PROM1: variants seen among roughly 807,000 people sequenced by gnomAD.
PROM1 encodes the protein prominin 1, also known as prominin-1.
PROM1 carries 105 observed loss-of-function variants against 116.9 expected under a neutral mutation model. The observed-to-expected ratio is 0.90, with a 90% CI of 0.77 to 1.06. The LOEUF is 1.06. Among genes scored for constraint, PROM1 ranks in the 50% least tolerant of loss-of-function variants. PROM1 has a pLI of 0.00. For missense variants in PROM1, 1,122 were observed against 1,045.2 expected (o/e 1.07, Z -1.01); for synonymous variants, 393 against 387.0 (o/e 1.02, Z -0.18).
chr4:16,081,988 C>T (rs1275477904), intron 1 of PROM1: 1 of 152,072 alleles, frequency 6.6e-6, no homozygotes, highest in Non-Finnish European at 1.5e-5. Flanking sequence ...CTCTGGTCCC[C>T]CTTACTAACT....
At position 16,039,115 on chromosome 4, in the gene PROM1, T is replaced by C. The variant is rs1734603150; in HGVS notation, c.221-114A>G. ...ATTATTATACCTATATTTCTATTAT[T>C]CTTATAATTTTATTCTTATTTCTTA... On this transcript the variant is annotated intron_variant, in intron 2 of 27. Transcript: ENST00000447510. 6.0e-6 allele frequency: 5 copies of C among 837,264 alleles called. No individual in the cohort carries two copies. In the Admixed American group the frequency reaches 1.3e-4, roughly 21 times the overall value. The allele number at this position is 837,264 out of a possible 1,614,324, so 51.9% of individuals were successfully genotyped here. A position where few individuals can be genotyped will look rare whatever the true frequency, so the allele number is the denominator to read the frequency against.
At chr4:16,000,721 C>A in intron 13 of PROM1, 102 bp from the exon 14 acceptor site, 2 of 1,027,994 alleles carry the variant, frequency 1.9e-6, no homozygotes, top group Non-Finnish European at 2.6e-6. Context: ...GCCCTGGGGT[C>A]TTCAGTGTTA....
chr4:16,029,520 C>T (rs1264111794), intron 5 of PROM1, among the ~76,000 whole-genome samples: 1 of 152,146 alleles, frequency 6.6e-6, no homozygotes, highest in African/African-American at 2.4e-5. Context: ...GTCAAACAGA[C>T]TGCATAAACA....
At chr4:16,025,917 A>G (rs190222585) in intron 5 of PROM1, among the ~76,000 whole-genome samples, 1 of 152,374 alleles carries the variant, frequency 6.6e-6, no homozygotes, top group East Asian at 1.9e-4. Context: ...GCCACATACA[A>G]CAGAGCACCT....
intron 8 of PROM1, among the ~76,000 whole-genome samples, chr4:16,021,678 TTC>T (rs958587962): frequency 3.9e-5 from 6 of 152,174 alleles, no homozygotes; most frequent in African/African-American, 1.4e-4. Context: ...AGATTTCCAA[TTC>T]TCCCTCCAGA....
chr4:16,042,440 A>G (rs527589810), intron 2 of PROM1, among the ~76,000 whole-genome samples: 21 of 152,322 alleles, frequency 1.4e-4, no homozygotes, highest in African/African-American at 5.1e-4. Context: ...AGTGGAAGAC[A>G]AGGAGGTGGG....
chr4:16,003,944 T>C (rs936457563), intron 13 of PROM1, among the ~76,000 whole-genome samples: 6 of 152,204 alleles, frequency 3.9e-5, no homozygotes, highest in Non-Finnish European at 7.3e-5. Flanking sequence ...ATGCTCTTGA[T>C]TGGATGGTGT....
intron 12 of PROM1, among the ~76,000 whole-genome samples, chr4:16,007,580 C>A (rs1725839043): frequency 1.3e-5 from 2 of 152,150 alleles, no homozygotes; most frequent in East Asian, 1.9e-4. Flanking sequence ...ACAGTGAGGG[C>A]ACAAAATTAA....
chr4:16,076,100 T>C lies in PROM1; in HGVS notation c.-194A>G. On this transcript the variant is annotated 5_prime_UTR_variant, in exon 2 of 28. An upstream start codon of the reference 5' UTR is lost. Coordinates refer to ENST00000447510, the MANE Select transcript of PROM1 (RefSeq NM_006017.3). ...GGAAGAATGTTCTCCAAGGGGGTCA[T>C]TCACTCAAGGCACCATCCCTGGCAG... The C allele has an allele frequency of 8.6e-7, 1 of 1,166,968 alleles. No homozygotes were observed. The highest frequency in any genetic ancestry group is 1.2e-6 in the Non-Finnish European group (1 of 865,222). The allele number at this position is 1,166,968 out of a possible 1,614,324, so 72.3% of individuals were successfully genotyped here. A position where few individuals can be genotyped will look rare whatever the true frequency, so the allele number is the denominator to read the frequency against.
At chr4:16,036,649 A>G (rs1734008265) in intron 3 of PROM1, among the ~76,000 whole-genome samples, 1 of 152,228 alleles carries the variant, frequency 6.6e-6, no homozygotes, top group Non-Finnish European at 1.5e-5. Flanking sequence ...CACATGAGTC[A>G]GAAGATATGG....
intron 2 of PROM1, among the ~76,000 whole-genome samples, chr4:16,046,899 A>G (rs1321354457): frequency 6.6e-6 from 1 of 152,232 alleles, no homozygotes; most frequent in Non-Finnish European, 1.5e-5. Context: ...CTAGGCCCTC[A>G]TCCAACCACG....
intron 2 of PROM1, among the ~76,000 whole-genome samples, chr4:16,075,102 A>G (rs1192374748): frequency 1.3e-5 from 2 of 152,224 alleles, no homozygotes; most frequent in African/African-American, 4.8e-5. Context: ...AAAATGACAA[A>G]CAGCACTGTG....
intron 2 of PROM1, among the ~76,000 whole-genome samples, chr4:16,074,364 A>G (rs1238493816): frequency 6.6e-6 from 1 of 152,224 alleles, no homozygotes; most frequent in Admixed American, 6.5e-5. Context: ...GACAAAAATT[A>G]AAGAGTTTTT....
At chr4:16,004,829 T>TCC (rs1553903958) in intron 13 of PROM1, among the ~76,000 whole-genome samples, 9 of 90,180 alleles carry the variant, frequency 1.0e-4, no homozygotes, top group Admixed American at 2.2e-4. Flanking sequence ...CTTTCTTTCT[T>TCC]TTTCTTCCTT....
chr4:16,016,907 T>C (rs902953155), intron 9 of PROM1, among the ~76,000 whole-genome samples: 5 of 152,130 alleles, frequency 3.3e-5, no homozygotes, highest in African/African-American at 1.2e-4. Context: ...GACATGACAA[T>C]AAATGACAAT....
At chr4:16,051,223 T>C (rs1737815553) in intron 2 of PROM1, among the ~76,000 whole-genome samples, 1 of 152,092 alleles carries the variant, frequency 6.6e-6, no homozygotes, top group Non-Finnish European at 1.5e-5. Context: ...CTGAAGGAAA[T>C]GCAAGTAACT....
At chr4:16,078,208 C>G (rs1285117830) in intron 1 of PROM1, 2 of 152,266 alleles carry the variant, frequency 1.3e-5, no homozygotes, top group African/African-American at 2.4e-5. Flanking sequence ...CTGTCCTACT[C>G]TTCTTTCAAT....
At chr4:15,981,607 C>T (rs1469159900) in intron 23 of PROM1, among the ~76,000 whole-genome samples, 1 of 151,930 alleles carries the variant, frequency 6.6e-6, no homozygotes, top group African/African-American at 2.4e-5. Context: ...ACAAATTAAC[C>T]CTTCTGGCTT....
At chr4:16,061,971 A>C (rs1402917467) in intron 2 of PROM1, among the ~76,000 whole-genome samples, 1 of 146,812 alleles carries the variant, frequency 6.8e-6, no homozygotes, top group Non-Finnish European at 1.5e-5. Context: ...GACTCACTGC[A>C]AGCTCCGCCT....
Sources: gnomAD v4.1 joint callset for allele counts (sites outside exome capture counted in the v4.1 genomes callset) on GRCh38, gnomAD v4.1.1 for gene constraint, MANE v1.5 for transcripts, NCBI Gene and HGNC (gene_info 2026-07-23, HGNC 2026-07-21) for gene names.